The following LRP1B variants were observed in gnomAD, a reference collection of about 807,000 sequenced individuals.
The protein encoded by LRP1B is low-density lipoprotein receptor-related protein 1B.
In LRP1B, 217 loss-of-function variants were observed where a neutral mutation model predicts 556.6. That is an observed-to-expected ratio of 0.39 (90% CI 0.35 to 0.44). LRP1B has a LOEUF of 0.44. Among genes scored for constraint, LRP1B ranks in the 20% least tolerant of loss-of-function variants. The pLI, the probability that LRP1B is intolerant of heterozygous loss-of-function variation, is 1.00. For synonymous variants in LRP1B, 2,047 were observed against 1,865.8 expected, an observed-to-expected ratio of 1.10 and a Z score of -2.50; for missense variants, 5,053 against 5,620.8, an observed-to-expected ratio of 0.90 and a Z score of 3.23.
chr2:140,357,537 T>C (rs1396803195), intron 74 of LRP1B, among the ~76,000 whole-genome samples: 1 of 151,482 alleles, frequency 6.6e-6, no homozygotes, highest in Non-Finnish European at 1.5e-5. Flanking sequence ...TCAAGTATCA[T>C]GGCACTGTAA....
At chr2:140,789,886 T>G (rs983273853) in intron 32 of LRP1B, among the ~76,000 whole-genome samples, 1 of 151,894 alleles carries the variant, frequency 6.6e-6, no homozygotes, top group African/African-American at 2.4e-5. Context: ...CGCCTCGGCC[T>G]CCCAAAGTGC....
At chr2:142,001,416 G>A (rs1014508269) in intron 1 of LRP1B, among the ~76,000 whole-genome samples, 70 of 152,232 alleles carry the variant, frequency 4.6e-4, no homozygotes, top group African/African-American at 1.4e-3. Context: ...ATAAAGTCTC[G>A]TGAAGTATAG....
At chr2:140,946,674 C>G (rs574628352) in intron 20 of LRP1B, among the ~76,000 whole-genome samples, 9 of 152,000 alleles carry the variant, frequency 5.9e-5, no homozygotes, top group African/African-American at 2.2e-4. Flanking sequence ...TCTCATTACT[C>G]GGTATATACC....
intron 35 of LRP1B, among the ~76,000 whole-genome samples, chr2:140,758,648 A>T (rs1688817574): frequency 6.6e-6 from 1 of 152,058 alleles, no homozygotes; most frequent in Non-Finnish European, 1.5e-5. Flanking sequence ...TTAAATGAAC[A>T]TTAAAAATAA....
intron 1 of LRP1B, among the ~76,000 whole-genome samples, chr2:142,058,945 A>G (rs1409131355): frequency 6.6e-6 from 1 of 151,920 alleles, no homozygotes; most frequent in Non-Finnish European, 1.5e-5. Context: ...CCACATTTGT[A>G]AAATAGGAGA....
chr2:140,580,669 T>A (rs994364780), intron 43 of LRP1B, among the ~76,000 whole-genome samples: 1 of 151,782 alleles, frequency 6.6e-6, no homozygotes, highest in Non-Finnish European at 1.5e-5. Context: ...ATTATGTATT[T>A]ATACAGTCAA....
chr2:140,427,878 T>C (rs1050842082), intron 66 of LRP1B, among the ~76,000 whole-genome samples: 6 of 152,070 alleles, frequency 3.9e-5, no homozygotes, highest in African/African-American at 1.2e-4. Context: ...ATCACCTCCC[T>C]TCCTCACACG....
chr2:141,678,725 T>G (rs1396569924), intron 2 of LRP1B, among the ~76,000 whole-genome samples: 1 of 152,062 alleles, frequency 6.6e-6, no homozygotes, highest in Non-Finnish European at 1.5e-5. Flanking sequence ...TATCAATAGG[T>G]AATTAATTCA....
intron 2 of LRP1B, among the ~76,000 whole-genome samples, chr2:141,572,247 A>G (rs1266413218): frequency 1.3e-5 from 2 of 152,212 alleles, no homozygotes; most frequent in Non-Finnish European, 2.9e-5. Context: ...CAGAAACTCT[A>G]CAAGCCAGAA....
intron 41 of LRP1B, among the ~76,000 whole-genome samples, chr2:140,687,515 AC>A (rs1686090451): frequency 6.6e-6 from 1 of 151,990 alleles, no homozygotes; most frequent in Non-Finnish European, 1.5e-5. Context: ...TGTAATTAAA[AC>A]TCAACTAAGA....
intron 43 of LRP1B, among the ~76,000 whole-genome samples, chr2:140,584,075 G>C (rs567960648): frequency 7.2e-5 from 11 of 152,042 alleles, no homozygotes; most frequent in African/African-American, 2.4e-4. Context: ...CATTTTAAAT[G>C]TTCTCAGAGA....
In LRP1B at chr2:142,123,295, C is replaced by T. The variant is rs888082646; in HGVS notation, c.82+7353G>A. Among the ~76,000 whole-genome samples, 12 of 151,866 alleles carry T rather than the reference C, an allele frequency of 7.9e-5. 1 individual carries two copies. The highest frequency in any genetic ancestry group is 5.3e-4 in the Admixed American group (8 of 15,232). On this transcript the variant is annotated intron_variant, in intron 1 of 90. Transcript: ENST00000389484. ...AAATCGTCATTAAAGAAAAACTCAGCGGTAGAAAAATTCTTAAGGAATTAT... is the reference window on the plus strand; with the variant it reads ...AAATCGTCATTAAAGAAAAACTCAGTGGTAGAAAAATTCTTAAGGAATTAT...
At chr2:141,183,646 G>T (rs973608307) in intron 7 of LRP1B, among the ~76,000 whole-genome samples, 2 of 151,980 alleles carry the variant, frequency 1.3e-5, no homozygotes, top group African/African-American at 2.4e-5. Context: ...TTCACTGTCT[G>T]CAAGTCAAAA....
Position 141,763,620 on chromosome 2 carries a change from G to T in LRP1B, c.205+46659C>A, listed in dbSNP as rs903159355. 3.3e-5 allele frequency among the ~76,000 whole-genome samples: 5 copies of T among 152,130 alleles called. No homozygotes were observed. In the East Asian group the frequency reaches 9.7e-4, roughly 29 times the overall value. ...ACTACGACATGATGGCCAGGTTTCA[G>T]TATGGTGTACAATTTTATATATTGC... On this transcript the variant is annotated intron_variant, in intron 2 of 90. Transcript: ENST00000389484.
At chr2:141,088,694 T>C (rs781744542) in intron 7 of LRP1B, among the ~76,000 whole-genome samples, 1 of 152,192 alleles carries the variant, frequency 6.6e-6, no homozygotes, top group Admixed American at 6.5e-5. Context: ...TAGGTGCTGC[T>C]GGAAACTGCA....
At chr2:140,751,389 G>GT (rs1229435693) in intron 35 of LRP1B, among the ~76,000 whole-genome samples, 3 of 152,056 alleles carry the variant, frequency 2.0e-5, no homozygotes, top group Non-Finnish European at 4.4e-5. Flanking sequence ...ATGAACCTAG[G>GT]TTTTTTAAAG....
At chr2:141,101,176 G>A (rs1291384784) in intron 7 of LRP1B, among the ~76,000 whole-genome samples, 3 of 152,024 alleles carry the variant, frequency 2.0e-5, no homozygotes, top group South Asian at 4.2e-4. Context: ...TGACATTGTC[G>A]GAGACAACTA....
intron 1 of LRP1B, among the ~76,000 whole-genome samples, chr2:141,924,864 G>T (rs922658615): frequency 6.6e-6 from 1 of 152,144 alleles, no homozygotes; most frequent in Non-Finnish European, 1.5e-5. Flanking sequence ...GGGTGGAAGT[G>T]GGGGAGGCAA....
At position 141,213,134 on chromosome 2, in the gene LRP1B, T is replaced by G. The variant is rs544749701; in HGVS notation, c.850+16049A>C. Among the ~76,000 whole-genome samples the G allele has an allele frequency of 2.5e-3, 367 of 144,150 alleles. 1 individual carries two copies. Among genetic ancestry groups the G allele is most frequent in the African/African-American group, 8.9e-3 (324 of 36,316 alleles). 94.6% of individuals were successfully genotyped at this position (144,150 alleles called of 152,430 possible). The stretch of plus-strand genomic sequence containing the variant: ...GCTAATTAATTTTTTTTTTTTTTTG[T>G]AAAGATGAGGTCTTGCTATGTTGCC... On this transcript the variant is annotated intron_variant, in intron 6 of 90. Transcript: ENST00000389484.
Sources: gnomAD v4.1 joint callset for allele counts (sites outside exome capture counted in the v4.1 genomes callset) on GRCh38, gnomAD v4.1.1 for gene constraint, MANE v1.5 for transcripts, NCBI Gene and HGNC (gene_info 2026-07-23, HGNC 2026-07-21) for gene names.